The following PRKCE variants were observed in gnomAD, a reference collection of about 807,000 sequenced individuals.
PRKCE encodes the protein protein kinase C epsilon.
Under a neutral mutation model 85.4 loss-of-function variants are expected in PRKCE, and 16 were observed. The ratio of observed to expected loss-of-function variants is 0.19; its 90% CI spans 0.13 to 0.28. The LOEUF is 0.28. PRKCE is among the 10% of genes least tolerant of loss of function. The pLI, the probability that PRKCE is intolerant of heterozygous loss-of-function variation, is 1.00. For synonymous variants in PRKCE, 388 were observed against 371.5 expected (o/e 1.04, Z -0.51); for missense variants, 573 against 975.2 (o/e 0.59, Z 5.49).
At chr2:45,983,078 G>C (rs920801802) in intron 5 of PRKCE, among the ~76,000 whole-genome samples, 1 of 152,220 alleles carries the variant, frequency 6.6e-6, no homozygotes, top group East Asian at 1.9e-4. Context: ...CTAAGAATGG[G>C]TGAGTATAGT....
At chr2:46,035,904 T>C (rs1310529202) in intron 10 of PRKCE, among the ~76,000 whole-genome samples, 1 of 152,220 alleles carries the variant, frequency 6.6e-6, no homozygotes, top group African/African-American at 2.4e-5. Flanking sequence ...CTTCAAGTAG[T>C]GGCAGAAAGG....
At chr2:46,124,077 C>A (rs1033023819) in intron 11 of PRKCE, among the ~76,000 whole-genome samples, 8 of 151,950 alleles carry the variant, frequency 5.3e-5, no homozygotes, top group African/African-American at 1.9e-4. Context: ...GTAATCTCAG[C>A]ACTTTGGGAG....
At chr2:45,968,438 G>A (rs1008658968) in intron 2 of PRKCE, among the ~76,000 whole-genome samples, 7 of 152,120 alleles carry the variant, frequency 4.6e-5, no homozygotes, top group Non-Finnish European at 1.0e-4. Flanking sequence ...GGTATGCAAA[G>A]GCATACAAAG....
intron 2 of PRKCE, among the ~76,000 whole-genome samples, chr2:45,898,194 A>G (rs772986100): frequency 9.9e-5 from 15 of 152,200 alleles, no homozygotes; most frequent in African/African-American, 3.6e-4. Flanking sequence ...GCTTCACCTT[A>G]TTTATTCATT....
At chr2:46,000,138 T>C (rs1167990192) in intron 6 of PRKCE, among the ~76,000 whole-genome samples, 1 of 151,910 alleles carries the variant, frequency 6.6e-6, no homozygotes, top group African/African-American at 2.4e-5. Context: ...ACTGGTTTTT[T>C]GGGGTTTTTT....
At chr2:45,954,161 G>T (rs1700818400) in intron 2 of PRKCE, among the ~76,000 whole-genome samples, 1 of 152,212 alleles carries the variant, frequency 6.6e-6, no homozygotes, top group African/African-American at 2.4e-5. Context: ...GGGACTTTGT[G>T]TGGCCCTAGT....
At chr2:46,014,760 G>A (rs1705983334) in intron 10 of PRKCE, among the ~76,000 whole-genome samples, 1 of 152,180 alleles carries the variant, frequency 6.6e-6, no homozygotes, top group Admixed American at 6.5e-5. Context: ...CATGCAAGGA[G>A]GCAGTCAGGA....
chr2:46,107,306 C>A (rs926214091), intron 11 of PRKCE, among the ~76,000 whole-genome samples: 1 of 152,178 alleles, frequency 6.6e-6, no homozygotes, highest in African/African-American at 2.4e-5. Context: ...TAAGATTCAT[C>A]TATGTCTTTT....
chr2:45,686,213 C>T (rs1180689492), intron 1 of PRKCE: 1 of 152,136 alleles, frequency 6.6e-6, no homozygotes, highest in Non-Finnish European at 1.5e-5. Context: ...TTATAATTTT[C>T]CTGCTTCTAT....
chr2:46,033,986 G>A (rs13001996), intron 10 of PRKCE, among the ~76,000 whole-genome samples: 25,985 of 152,206 alleles, frequency 0.17, 2,870 homozygotes, highest in Non-Finnish European at 0.24. Flanking sequence ...AGAGAAAGCC[G>A]TAGGCTTTCT....
intron 1 of PRKCE, among the ~76,000 whole-genome samples, chr2:45,770,457 G>A (rs935402430): frequency 3.3e-5 from 5 of 152,068 alleles, no homozygotes; most frequent in African/African-American, 9.7e-5. Flanking sequence ...GATATATGGC[G>A]TCCCTTCGGC....
intron 1 of PRKCE, among the ~76,000 whole-genome samples, chr2:45,752,733 C>T (rs1196183004): frequency 1.3e-5 from 2 of 152,198 alleles, no homozygotes; most frequent in Non-Finnish European, 2.9e-5. Context: ...ACCATGCAGG[C>T]AGGCAGTCAG....
intron 10 of PRKCE, among the ~76,000 whole-genome samples, chr2:46,029,511 C>G (rs1707365384): frequency 6.6e-6 from 1 of 152,114 alleles, no homozygotes; most frequent in African/African-American, 2.4e-5. Context: ...GTTCACTGCC[C>G]CCACTAACGC....
chr2:45,837,970 C>T (rs780624898), intron 1 of PRKCE, among the ~76,000 whole-genome samples: 1 of 152,156 alleles, frequency 6.6e-6, no homozygotes, highest in African/African-American at 2.4e-5. Context: ...CGGCTGAGCA[C>T]CACCCCAAAA....
intron 11 of PRKCE, among the ~76,000 whole-genome samples, chr2:46,137,489 G>T (rs996470953): frequency 6.6e-6 from 1 of 151,876 alleles, no homozygotes; most frequent in Non-Finnish European, 1.5e-5. Flanking sequence ...GGTGGCTCAT[G>T]CCTGTAATCC....
intron 2 of PRKCE, among the ~76,000 whole-genome samples, chr2:45,969,755 C>G (rs1409492728): frequency 6.6e-6 from 1 of 152,190 alleles, no homozygotes; most frequent in Non-Finnish European, 1.5e-5. Flanking sequence ...CAAATGTCAG[C>G]CTATATAATC....
At chr2:45,884,719 A>G (rs1243821096) in intron 2 of PRKCE, among the ~76,000 whole-genome samples, 1 of 151,886 alleles carries the variant, frequency 6.6e-6, no homozygotes, top group Admixed American at 6.6e-5. Context: ...TTTTTAAAAC[A>G]TGTTTTCATG....
intron 13 of PRKCE, among the ~76,000 whole-genome samples, chr2:46,156,192 C>T (rs1574622982): frequency 6.6e-6 from 1 of 152,270 alleles, no homozygotes; most frequent in Middle Eastern, 3.4e-3. Context: ...CCCCGCCTCC[C>T]CCTCAGCCCT....
intron 1 of PRKCE, among the ~76,000 whole-genome samples, chr2:45,791,098 T>C (rs939493170): frequency 6.6e-6 from 1 of 152,236 alleles, no homozygotes; most frequent in African/African-American, 2.4e-5. Context: ...GGGAAGGTTT[T>C]GTGTAGAGGT....
Sources: allele counts gnomAD v4.1 joint callset (sites outside exome capture counted in the v4.1 genomes callset), GRCh38; gene constraint gnomAD v4.1.1; transcripts MANE v1.5; gene names NCBI Gene and HGNC (gene_info 2026-07-23, HGNC 2026-07-21).